FRYL: variants seen among roughly 807,000 people sequenced by gnomAD.
FRYL encodes protein furry homolog-like.
A neutral mutation model predicts 351.2 loss-of-function variants in FRYL; 150 were observed. That is an observed-to-expected ratio of 0.43 (90% CI 0.37 to 0.49). The LOEUF (loss-of-function observed/expected upper bound fraction) is 0.49, where lower values mean the gene tolerates loss of function less well. FRYL is among the 20% of genes least tolerant of loss of function. The pLI, the probability that FRYL is intolerant of heterozygous loss-of-function variation, is 0.00. For missense variants in FRYL, 3,036 were observed against 3,619.3 expected, an observed-to-expected ratio of 0.84 and a Z score of 4.13; for synonymous variants, 1,153 against 1,257.1, an observed-to-expected ratio of 0.92 and a Z score of 1.75.
At chr4:48,583,965 A>G (rs1361343567) in intron 19 of FRYL, among the ~76,000 whole-genome samples, 1 of 152,198 alleles carries the variant, frequency 6.6e-6, no homozygotes, top group African/African-American at 2.4e-5. Flanking sequence ...AGAGAGTTTA[A>G]GTCTAAACAA....
At chr4:48,596,809 A>G (rs995033650) in intron 13 of FRYL, among the ~76,000 whole-genome samples, 1 of 152,148 alleles carries the variant, frequency 6.6e-6, no homozygotes, top group African/African-American at 2.4e-5. Flanking sequence ...TATAAAAAAT[A>G]AAGTTCTCAA....
intron 59 of FRYL, among the ~76,000 whole-genome samples, chr4:48,509,073 A>C (rs1029766488): frequency 2.0e-5 from 3 of 152,190 alleles, no homozygotes; most frequent in African/African-American, 7.2e-5. Flanking sequence ...ATGATTTCTG[A>C]AGATACAAAA....
At chr4:48,545,066 C>T (rs1425986562) in intron 42 of FRYL, among the ~76,000 whole-genome samples, 162 bp from the exon 43 acceptor site, 4 of 152,166 alleles carry the variant, frequency 2.6e-5, no homozygotes, top group Admixed American at 6.6e-5. Flanking sequence ...TAATGATCTA[C>T]AGCAAGGAGA....
At chr4:48,550,545 T>A in intron 38 of FRYL, 47 bp downstream of exon 38, 1 of 1,145,940 alleles carries the variant, frequency 8.7e-7, no homozygotes. Context: ...TAATTAACAA[T>A]ACACCTCACC....
At chr4:48,666,698 A>G (rs115838083) in intron 3 of FRYL, among the ~76,000 whole-genome samples, 3,547 of 152,250 alleles carry the variant, frequency 0.023, 142 homozygotes, top group African/African-American at 0.08. Flanking sequence ...TTGGAAGCCT[A>G]AGAAATAATA....
intron 3 of FRYL, among the ~76,000 whole-genome samples, chr4:48,651,213 CGTGT>C (rs10604700): frequency 0.04 from 4,227 of 104,880 alleles, 228 homozygotes; most frequent in East Asian, 0.19. Flanking sequence ...CCACATGCAC[CGTGT>C]GTGTGTGTGT....
chr4:48,692,660 TG>T (rs1256697964), intron 2 of FRYL, among the ~76,000 whole-genome samples: 5 of 152,246 alleles, frequency 3.3e-5, no homozygotes, highest in African/African-American at 1.2e-4. Flanking sequence ...CCCTAAGTGC[TG>T]GGAGTACACT....
intron 55 of FRYL, chr4:48,520,769 C>T: frequency 3.8e-6 from 1 of 261,832 alleles, no homozygotes; most frequent in Non-Finnish European, 7.2e-6. Context: ...ATGATGCTCG[C>T]CAACCCCAGA....
rs544833679 is a variant in FRYL at position 48,732,152 on chromosome 4, G to A, written c.-383-21454C>T. ...ACACTTCTCAAAAGATGACACTTAC[G>A]CAGCCAACAGACATTTGAAAAAATG... On this transcript the variant is annotated intron_variant, in intron 1 of 63. Coordinates refer to ENST00000358350, the MANE Select transcript of FRYL (RefSeq NM_015030.2). Among the ~76,000 whole-genome samples the A allele has an allele frequency of 8.5e-5, 13 of 152,274 alleles. No homozygotes were observed. In the East Asian group the frequency reaches 9.6e-4, roughly 11 times the overall value.
At chr4:48,595,217 C>A (rs960721656) in intron 15 of FRYL, among the ~76,000 whole-genome samples, 16 of 152,324 alleles carry the variant, frequency 1.1e-4, no homozygotes, top group Admixed American at 2.0e-4. Flanking sequence ...ACTATAAATT[C>A]TCTGAGCTAT....
At chr4:48,499,722 A>ATAGTT (rs1250341952) in intron 63 of FRYL, 42 bp from the exon 64 acceptor site, 1 of 1,588,646 alleles carries the variant, frequency 6.3e-7, no homozygotes, top group Non-Finnish European at 8.6e-7. Context: ...GACTTAGGCA[A>ATAGTT]TAGTTAAGAC....
At chr4:48,584,500 T>A (rs890996587) in intron 19 of FRYL, among the ~76,000 whole-genome samples, 2 of 152,028 alleles carry the variant, frequency 1.3e-5, no homozygotes, top group Admixed American at 6.6e-5. Flanking sequence ...ATAAACAGGG[T>A]CAAATGAAGC....
rs576518486 is a variant in FRYL at position 48,503,499 on chromosome 4, C to CA, written c.8464-655dup. ...CTTAACCCGACTAGGTTTGAATCAA[C>CA]ATAATGTATGTAAAACACAGAGTAA... On this transcript the variant is annotated intron_variant, in intron 60 of 63. Coordinates refer to ENST00000358350, the MANE Select transcript of FRYL (RefSeq NM_015030.2). Among the ~76,000 whole-genome samples, 189 of 152,250 alleles carry CA rather than the reference C, an allele frequency of 1.2e-3. 2 individuals carry two copies. Among genetic ancestry groups the CA allele is most frequent in the African/African-American group, 4.3e-3 (178 of 41,566 alleles).
chr4:48,502,928 G>T (rs1417870439), intron 60 of FRYL, 83 bp from the exon 61 acceptor site: 7 of 1,033,078 alleles, frequency 6.8e-6, no homozygotes, highest in African/African-American at 1.6e-5. Flanking sequence ...TTTTAACTAG[G>T]GTCACAGATG....
chr4:48,744,084 A>C (rs926222346), intron 1 of FRYL, among the ~76,000 whole-genome samples: 13 of 152,294 alleles, frequency 8.5e-5, no homozygotes, highest in African/African-American at 2.2e-4. Context: ...AGGTCAGTAA[A>C]TGTATTTACT....
intron 3 of FRYL, among the ~76,000 whole-genome samples, chr4:48,680,099 T>G (rs907788574): frequency 1.3e-5 from 2 of 152,006 alleles, no homozygotes; most frequent in Admixed American, 6.6e-5. Context: ...ATTCTGCTAA[T>G]AAAAATGTGT....
chr4:48,690,294 A>G (rs1765569693), intron 2 of FRYL, among the ~76,000 whole-genome samples: 1 of 152,064 alleles, frequency 6.6e-6, no homozygotes, highest in Non-Finnish European at 1.5e-5. Context: ...AACCCTCAAT[A>G]GAATGTTTTC....
chr4:48,544,517 AT>A (rs1375967954), intron 43 of FRYL, among the ~76,000 whole-genome samples: 1 of 152,078 alleles, frequency 6.6e-6, no homozygotes, highest in East Asian at 1.9e-4. Context: ...CGTTTAATGT[AT>A]TTTTTCATAA....
chr4:48,523,411 G>C (rs998466689), intron 53 of FRYL: 3 of 227,304 alleles, frequency 1.3e-5, no homozygotes, highest in Admixed American at 5.3e-5. Context: ...ACACAAACAT[G>C]AATGAGACCA....
Sources: allele counts gnomAD v4.1 joint callset (sites outside exome capture counted in the v4.1 genomes callset), GRCh38; gene constraint gnomAD v4.1.1; transcripts MANE v1.5; gene names NCBI Gene and HGNC (gene_info 2026-07-23, HGNC 2026-07-21).